The following MACROD2 variants were observed in gnomAD, a reference collection of about 807,000 sequenced individuals.
MACROD2 encodes mono-ADP ribosylhydrolase 2, also known as ADP-ribose glycohydrolase MACROD2.
A neutral mutation model predicts 70.4 loss-of-function variants in MACROD2; 36 were observed. The observed-to-expected ratio is 0.51, with a 90% CI of 0.39 to 0.68. The LOEUF is 0.68. Among genes scored for constraint, MACROD2 ranks in the 30% least tolerant of loss-of-function variants. The pLI is 0.00. For synonymous variants in MACROD2, 172 were observed against 178.8 expected, an observed-to-expected ratio of 0.96 and a Z score of 0.30; for missense variants, 496 against 538.4, an observed-to-expected ratio of 0.92 and a Z score of 0.78.
intron 13 of MACROD2, among the ~76,000 whole-genome samples, chr20:15,984,637 C>CA (rs1297539770): frequency 6.8e-6 from 1 of 146,530 alleles, no homozygotes; most frequent in Admixed American, 6.8e-5. Context: ...TGCCTCCCCC[C>CA]CCCGCCCTTC....
intron 4 of MACROD2, among the ~76,000 whole-genome samples, chr20:14,594,596 T>A (rs556688726): frequency 3.9e-5 from 6 of 152,268 alleles, no homozygotes; most frequent in African/African-American, 1.2e-4. Flanking sequence ...GTGGTTAAGT[T>A]AGAAAATACA....
intron 7 of MACROD2, among the ~76,000 whole-genome samples, chr20:15,458,641 A>ATTTT (rs1568823473): frequency 1.6e-5 from 2 of 128,750 alleles, no homozygotes; most frequent in African/African-American, 6.0e-5. Context: ...TTTTTTTTTA[A>ATTTT]AAAAAAAAAA....
chr20:15,198,375 G>A lies in MACROD2; in HGVS notation c.419-31565G>A, dbSNP rs140958000. Reference sequence around the variant, plus strand: ...TTTTCTAATTATAAGCATTGCCAACGCGTCAGTTCTAAGTGAATATGTTTA... The same window carrying A: ...TTTTCTAATTATAAGCATTGCCAACACGTCAGTTCTAAGTGAATATGTTTA... On this transcript the variant is annotated intron_variant, in intron 5 of 17. Transcript: ENST00000684519. Among the ~76,000 whole-genome samples, 12 of 152,204 alleles carry A rather than the reference G, an allele frequency of 7.9e-5. No homozygotes were observed. In the East Asian group the frequency reaches 1.7e-3, roughly 22 times the overall value.
intron 5 of MACROD2, among the ~76,000 whole-genome samples, chr20:15,000,629 C>CAAAAAAAAAAAAA (rs398040701): frequency 4.5e-5 from 1 of 21,982 alleles, no homozygotes. Context: ...GACTCCGTCT[C>CAAAAAAAAAAAAA]AAAAAAAAAA....
At chr20:15,634,062 G>A (rs2049330322) in intron 8 of MACROD2, among the ~76,000 whole-genome samples, 1 of 152,094 alleles carries the variant, frequency 6.6e-6, no homozygotes, top group Non-Finnish European at 1.5e-5. Context: ...CTCTCTGGTT[G>A]CCTATCATTA....
chr20:15,315,431 ACT>A (rs1468108655), intron 6 of MACROD2, among the ~76,000 whole-genome samples: 1 of 152,194 alleles, frequency 6.6e-6, no homozygotes, highest in Non-Finnish European at 1.5e-5. Flanking sequence ...AAACAAAGAA[ACT>A]CTGAAAAGCA....
At chr20:15,553,664 C>T (rs2146592357) in intron 8 of MACROD2, among the ~76,000 whole-genome samples, 1 of 152,320 alleles carries the variant, frequency 6.6e-6, no homozygotes, top group Non-Finnish European at 1.5e-5. Flanking sequence ...AAGCGATCCA[C>T]CTGCCTCAGC....
chr20:15,599,370 G>A (rs1005405161), intron 8 of MACROD2, among the ~76,000 whole-genome samples: 2 of 151,914 alleles, frequency 1.3e-5, no homozygotes, highest in African/African-American at 2.4e-5. Context: ...CCAGTCTGGC[G>A]ACAGAGCAAG....
intron 4 of MACROD2, among the ~76,000 whole-genome samples, chr20:14,527,357 C>G (rs1831805387): frequency 1.3e-5 from 2 of 152,158 alleles, no homozygotes; most frequent in Non-Finnish European, 2.9e-5. Context: ...CTGTCTTCAC[C>G]TAGGTCCATA....
chr20:15,915,597 G>A (rs2065302539), intron 10 of MACROD2, among the ~76,000 whole-genome samples: 1 of 152,106 alleles, frequency 6.6e-6, no homozygotes, highest in Non-Finnish European at 1.5e-5. Flanking sequence ...TTCTTCCTTT[G>A]TACACATGAG....
chr20:15,271,608 G>A (rs536742092), intron 6 of MACROD2, among the ~76,000 whole-genome samples: 1 of 152,304 alleles, frequency 6.6e-6, no homozygotes, highest in East Asian at 1.9e-4. Context: ...CTCTTTTCCT[G>A]ACATGTAGTA....
At chr20:15,496,912 G>A (rs1360941294) in intron 7 of MACROD2, among the ~76,000 whole-genome samples, 1 of 152,090 alleles carries the variant, frequency 6.6e-6, no homozygotes, top group Admixed American at 6.5e-5. Flanking sequence ...AGGGAAGGAA[G>A]ACCAAAGGAG....
At chr20:14,200,921 C>G (rs2081474153) in intron 3 of MACROD2, among the ~76,000 whole-genome samples, 2 of 145,834 alleles carry the variant, frequency 1.4e-5, no homozygotes, top group South Asian at 4.3e-4. Flanking sequence ...AACCAAGATA[C>G]TAATCTTTAT....
intron 8 of MACROD2, among the ~76,000 whole-genome samples, chr20:15,850,688 C>T (rs113680972): frequency 3.9e-5 from 6 of 152,306 alleles, no homozygotes; most frequent in African/African-American, 1.4e-4. Context: ...GATTTACCCT[C>T]ACAGCTGATG....
At chr20:16,009,853 T>C (rs2066839052) in intron 15 of MACROD2, among the ~76,000 whole-genome samples, 1 of 152,204 alleles carries the variant, frequency 6.6e-6, no homozygotes, top group Non-Finnish European at 1.5e-5. Flanking sequence ...CCCATCCTAT[T>C]GAAAAACTCA....
rs1601191277 is a variant in MACROD2, at chr20:15,184,809, A to G, written c.419-45131A>G. 2.6e-5 allele frequency among the ~76,000 whole-genome samples: 4 copies of G among 152,334 alleles called. 1 individual carries two copies. The South Asian group carries it at 8.3e-4, about 32-fold the overall frequency. On this transcript the variant is annotated intron_variant, in intron 5 of 17. Transcript: ENST00000684519. ...CTCACTGATCCAAGAGCACTCTCTG[A>G]TAATGCTAATTAGAAATACGCTTGC...
At chr20:15,533,541 GTCGCTCTCTCTCTCT>G (rs1568873510) in intron 8 of MACROD2, among the ~76,000 whole-genome samples, 1 of 118,416 alleles carries the variant, frequency 8.4e-6, no homozygotes, top group African/African-American at 3.3e-5. Flanking sequence ...CTCTGTCTCT[GTCGCTCTCTCTCTCT>G]CTCTCTCTCT....
chr20:14,358,547 C>T (rs1201533215), intron 3 of MACROD2, among the ~76,000 whole-genome samples: 1 of 152,078 alleles, frequency 6.6e-6, no homozygotes, highest in East Asian at 1.9e-4. Flanking sequence ...ACCTCTGCCT[C>T]CCTGGTTCAA....
At chr20:15,138,628 G>T (rs926562210) in intron 5 of MACROD2, among the ~76,000 whole-genome samples, 11 of 152,074 alleles carry the variant, frequency 7.2e-5, no homozygotes, top group African/African-American at 2.7e-4. Flanking sequence ...TGTTATTTTT[G>T]CACTTGTAGT....
Sources: gnomAD v4.1 joint callset for allele counts (sites outside exome capture counted in the v4.1 genomes callset) on GRCh38, gnomAD v4.1.1 for gene constraint, MANE v1.5 for transcripts, NCBI Gene and HGNC (gene_info 2026-07-23, HGNC 2026-07-21) for gene names.